Variants in CDH18 observed in about 807,000 individuals in gnomAD.
CDH18 encodes cadherin 18, also known as cadherin-18.
In CDH18, 31 loss-of-function variants were observed where a neutral mutation model predicts 67.9. That is an observed-to-expected ratio of 0.46 (90% CI 0.34 to 0.62). The LOEUF (loss-of-function observed/expected upper bound fraction) is 0.62. CDH18 is among the 20% of genes least tolerant of loss of function. CDH18 has a pLI of 0.01. For missense variants in CDH18, 890 were observed against 975.5 expected, an observed-to-expected ratio of 0.91 and a Z score of 1.17; for synonymous variants, 362 against 347.2, an observed-to-expected ratio of 1.04 and a Z score of -0.48.
At chr5:20,301,786 T>C (rs1735940976) in intron 1 of CDH18, among the ~76,000 whole-genome samples, 8 of 59,296 alleles carry the variant, frequency 1.3e-4, no homozygotes, top group African/African-American at 3.9e-4. Context: ...CTCTTTCTTT[T>C]TTCTTTTTTT....
At chr5:20,296,051 T>C (rs1368107281) in intron 1 of CDH18, among the ~76,000 whole-genome samples, 1 of 151,078 alleles carries the variant, frequency 6.6e-6, no homozygotes, top group South Asian at 2.1e-4. Flanking sequence ...ATTTTTTGTA[T>C]TTTTAGTAGA....
intron 2 of CDH18, among the ~76,000 whole-genome samples, chr5:20,043,502 C>T (rs1270780935): frequency 6.6e-6 from 1 of 152,184 alleles, no homozygotes; most frequent in Non-Finnish European, 1.5e-5. Flanking sequence ...CATCACTGCT[C>T]ACCCCCTCCA....
chr5:20,274,654 A>G (rs1006656024), intron 1 of CDH18, among the ~76,000 whole-genome samples: 9 of 152,128 alleles, frequency 5.9e-5, no homozygotes, highest in African/African-American at 1.7e-4. Context: ...AAAAAAGTGT[A>G]TATTTGCCGT....
intron 2 of CDH18, among the ~76,000 whole-genome samples, chr5:19,973,875 T>C (rs946670180): frequency 2.0e-5 from 3 of 152,088 alleles, no homozygotes; most frequent in Non-Finnish European, 4.4e-5. Context: ...GTTTTTCATA[T>C]TGGGATCCTT....
chr5:20,387,091 G>C (rs1472563297), intron 1 of CDH18, among the ~76,000 whole-genome samples: 1 of 152,054 alleles, frequency 6.6e-6, no homozygotes, highest in Non-Finnish European at 1.5e-5. Context: ...ATGGGTCATG[G>C]TCTTATTTAT....
chr5:20,419,013 C>A (rs1287788230), intron 1 of CDH18, among the ~76,000 whole-genome samples: 1 of 151,866 alleles, frequency 6.6e-6, no homozygotes, highest in Admixed American at 6.6e-5. Context: ...TTGGCCGTGT[C>A]CCCATCCAAA....
rs1580379021 is a variant in CDH18, at chr5:19,592,199, C to G, written c.812-955G>C. Among the ~76,000 whole-genome samples, 6 of 151,910 alleles carry G rather than the reference C, an allele frequency of 3.9e-5. 2 individuals are homozygous for G. The South Asian group carries it at 1.2e-3, about 32-fold the overall frequency. On this transcript the variant is annotated intron_variant, in intron 6 of 12. Coordinates refer to ENST00000382275, the MANE Select transcript of CDH18 (RefSeq NM_004934.5). ...CTCATTAGACAGATGGATAGATAGA[C>G]AGATAGATAGATTAGATAGATAGCT...
intron 1 of CDH18, among the ~76,000 whole-genome samples, chr5:20,382,698 T>C (rs1744009782): frequency 6.6e-6 from 1 of 152,092 alleles, no homozygotes; most frequent in Non-Finnish European, 1.5e-5. Context: ...AAACGTGATG[T>C]CCCTGAATAT....
rs765829439 is a variant in CDH18 at position 19,746,974 on chromosome 5, T to C, written c.491A>G (p.Tyr164Cys). ...DNAPKFTDGP[Y>C]IVTVPEMSDM... is the part of the protein sequence containing the mutation. Reference sequence around the variant, plus strand: ...TGACATTTCAGGCACAGTAACAATGTATGGTCCATCTGTGAATTTTGGAGC... The same window carrying C: ...TGACATTTCAGGCACAGTAACAATGCATGGTCCATCTGTGAATTTTGGAGC... The change falls in exon 4 of 13, where the codon TAC becomes TGC. Residue 164 changes from tyrosine to cysteine, a missense_variant. By Grantham distance (194) the Tyr-to-Cys change is radical. Coordinates refer to ENST00000382275, the MANE Select transcript of CDH18 (RefSeq NM_004934.5). 4 of 1,614,040 alleles carry C rather than the reference T, an allele frequency of 2.5e-6. No individual in the cohort carries two copies. The highest frequency in any genetic ancestry group is 3.3e-5 in the Admixed American group (2 of 59,992).
chr5:19,638,281 A>C (rs1753457330), intron 5 of CDH18, among the ~76,000 whole-genome samples: 1 of 152,310 alleles, frequency 6.6e-6, no homozygotes, highest in Non-Finnish European at 1.5e-5. Context: ...TCAAAGTCAG[A>C]CCTCAATCCT....
chr5:20,122,189 G>A (rs1053604217), intron 2 of CDH18, among the ~76,000 whole-genome samples: 1 of 152,170 alleles, frequency 6.6e-6, no homozygotes, highest in East Asian at 1.9e-4. Context: ...TTCAGGGAAC[G>A]CTATCCACAG....
intron 2 of CDH18, among the ~76,000 whole-genome samples, chr5:19,856,762 C>T (rs970050101): frequency 1.9e-4 from 29 of 151,940 alleles, no homozygotes; most frequent in Admixed American, 1.4e-3. Context: ...AAAACTTCTT[C>T]GGGACCTTGA....
At chr5:19,607,856 G>T (rs1179279673) in intron 6 of CDH18, among the ~76,000 whole-genome samples, 4 of 151,386 alleles carry the variant, frequency 2.6e-5, no homozygotes, top group Non-Finnish European at 5.9e-5. Flanking sequence ...AGAAACCTCT[G>T]GAATAGCTAT....
intron 7 of CDH18, among the ~76,000 whole-genome samples, chr5:19,572,614 C>T (rs1040745801): frequency 6.6e-6 from 1 of 152,134 alleles, no homozygotes; most frequent in Non-Finnish European, 1.5e-5. Flanking sequence ...GGTTTACAGA[C>T]GGCCTCTTAC....
chr5:19,605,070 C>T (rs1285602902), intron 6 of CDH18, among the ~76,000 whole-genome samples: 1 of 151,812 alleles, frequency 6.6e-6, no homozygotes, highest in African/African-American at 2.4e-5. Context: ...CATAAACATA[C>T]CTACCTAAAC....
At chr5:19,931,757 T>A (rs966272196) in intron 2 of CDH18, among the ~76,000 whole-genome samples, 1 of 151,876 alleles carries the variant, frequency 6.6e-6, no homozygotes, top group African/African-American at 2.4e-5. Context: ...TTGCTCCAAA[T>A]TTCTTTCTCT....
At chr5:20,430,293 G>A (rs1748635480) in intron 1 of CDH18, among the ~76,000 whole-genome samples, 1 of 152,142 alleles carries the variant, frequency 6.6e-6, no homozygotes, top group South Asian at 2.1e-4. Context: ...GGACACATCA[G>A]CCACTTTGCA....
chr5:20,280,911 G>A (rs1252201099), intron 1 of CDH18, among the ~76,000 whole-genome samples: 1 of 152,212 alleles, frequency 6.6e-6, no homozygotes, highest in East Asian at 1.9e-4. Flanking sequence ...AAACTGGTGT[G>A]AGATGGTATC....
At position 19,523,214 on chromosome 5, in the gene CDH18, G is replaced by T. The variant is rs576084161; in HGVS notation, c.1391-2436C>A. On this transcript the variant is annotated intron_variant, in intron 9 of 12. Coordinates refer to ENST00000382275, the MANE Select transcript of CDH18 (RefSeq NM_004934.5). ...ACATGTTTTAAATTATTAAAGACAAGTATATAAGGCAAAATCATACATATT... is the reference window on the plus strand; with the variant it reads ...ACATGTTTTAAATTATTAAAGACAATTATATAAGGCAAAATCATACATATT... Among the ~76,000 whole-genome samples the T allele has an allele frequency of 3.3e-5, 5 of 152,190 alleles. No homozygotes were observed. In the South Asian group the frequency reaches 1.0e-3, roughly 32 times the overall value.
Sources: allele counts gnomAD v4.1 joint callset (sites outside exome capture counted in the v4.1 genomes callset), GRCh38; gene constraint gnomAD v4.1.1; transcripts MANE v1.5; gene names NCBI Gene and HGNC (gene_info 2026-07-23, HGNC 2026-07-21).